The following MCTP1 variants were observed in gnomAD, a reference collection of about 807,000 sequenced individuals.
The protein encoded by MCTP1 is multiple C2 and transmembrane domain-containing protein 1.
In MCTP1, 69 loss-of-function variants were observed where a neutral mutation model predicts 120.6. That is an observed-to-expected ratio of 0.57 (90% CI 0.47 to 0.70). The LOEUF (loss-of-function observed/expected upper bound fraction) is 0.70, where lower values mean the gene tolerates loss of function less well. Among genes scored for constraint, MCTP1 ranks in the 30% least tolerant of loss-of-function variants. The pLI, the probability that MCTP1 is intolerant of heterozygous loss-of-function variation, is 0.00. For missense variants in MCTP1, 1,203 were observed against 1,248.8 expected (o/e 0.96, Z 0.55); for synonymous variants, 529 against 493.1 (o/e 1.07, Z -0.96).
At chr5:95,203,347 C>A (rs1443134940) in intron 1 of MCTP1, among the ~76,000 whole-genome samples, 1 of 152,160 alleles carries the variant, frequency 6.6e-6, no homozygotes, top group African/African-American at 2.4e-5. Flanking sequence ...CTATCCAGAA[C>A]CTCTGAGTGA....
intron 1 of MCTP1, among the ~76,000 whole-genome samples, chr5:95,255,716 C>A (rs887915422): frequency 1.3e-5 from 2 of 151,990 alleles, no homozygotes; most frequent in Non-Finnish European, 2.9e-5. Context: ...ATATAGAGAA[C>A]AAAAGTCAGA....
intron 1 of MCTP1, among the ~76,000 whole-genome samples, chr5:95,233,199 C>T (rs570145387): frequency 2.0e-4 from 31 of 152,060 alleles, no homozygotes; most frequent in Non-Finnish European, 3.4e-4. Context: ...ATAAAACAAA[C>T]GTCAATATAT....
At chr5:95,260,264 G>T (rs931846803) in intron 1 of MCTP1, among the ~76,000 whole-genome samples, 32 of 152,260 alleles carry the variant, frequency 2.1e-4, no homozygotes, top group African/African-American at 7.2e-4. Flanking sequence ...GGTTGTGTGA[G>T]CCCCTTGAGG....
intron 1 of MCTP1, among the ~76,000 whole-genome samples, chr5:95,123,114 G>C (rs751685427): frequency 1.3e-5 from 2 of 152,114 alleles, no homozygotes; most frequent in Non-Finnish European, 2.9e-5. Context: ...ATAACTCAAG[G>C]AGTATAATTA....
Position 94,707,459 on chromosome 5 carries a change from CCAAA to C in MCTP1, c.*33_*36del, listed in dbSNP as rs779238937. 1.1e-5 allele frequency: 17 copies of C among 1,522,062 alleles called. No homozygotes were observed. The African/African-American group carries it at 2.1e-4, about 19-fold the overall frequency. 94.3% of individuals were successfully genotyped at this position (1,522,062 alleles called of 1,614,324 possible). A position where few individuals can be genotyped will look rare whatever the true frequency, so the allele number is the denominator to read the frequency against. On this transcript the variant is annotated 3_prime_UTR_variant, in exon 23 of 23. Transcript: ENST00000515393. ...GCTGAGGGCTTTTTCTTTTATCTTC[CCAAA>C]CAGATGCTGGTCTCCTCAGTGCTGG...
At chr5:95,020,710 T>A (rs1838038662) in intron 1 of MCTP1, among the ~76,000 whole-genome samples, 1 of 152,172 alleles carries the variant, frequency 6.6e-6, no homozygotes, top group Middle Eastern at 3.4e-3. Context: ...ATTTTAAAAT[T>A]CCTTTTATAA....
intron 10 of MCTP1, among the ~76,000 whole-genome samples, chr5:94,898,422 G>A (rs1033227162): frequency 1.4e-4 from 22 of 152,154 alleles, no homozygotes; most frequent in Non-Finnish European, 2.6e-4. Context: ...TATTGTTGCT[G>A]GCGTTGGCTG....
intron 10 of MCTP1, 83 bp from the exon 11 acceptor site, chr5:94,894,918 A>G (rs1309182178): frequency 1.3e-6 from 1 of 792,322 alleles, no homozygotes; most frequent in Non-Finnish European, 1.9e-6. Context: ...TCTATGAAAC[A>G]TAAATCAATA....
At chr5:95,192,462 C>T (rs1749929658) in intron 1 of MCTP1, among the ~76,000 whole-genome samples, 1 of 151,892 alleles carries the variant, frequency 6.6e-6, no homozygotes, top group Admixed American at 6.6e-5. Context: ...TTTTCTGTGC[C>T]AACTTCTAGA....
intron 17 of MCTP1, among the ~76,000 whole-genome samples, chr5:94,860,060 T>A (rs1299370145): frequency 6.6e-6 from 1 of 151,664 alleles, no homozygotes; most frequent in Non-Finnish European, 1.5e-5. Context: ...TATTTACATA[T>A]TATTGGTAAA....
chr5:94,719,191 A>G (rs1244189573), intron 19 of MCTP1, among the ~76,000 whole-genome samples: 1 of 152,218 alleles, frequency 6.6e-6, no homozygotes, highest in Non-Finnish European at 1.5e-5. Flanking sequence ...AGAAATAGGA[A>G]CACTTTTACA....
intron 1 of MCTP1, among the ~76,000 whole-genome samples, chr5:95,206,694 C>T (rs1751659709): frequency 6.6e-6 from 1 of 152,120 alleles, no homozygotes; most frequent in African/African-American, 2.4e-5. Context: ...GCCACCACCA[C>T]ACCCAGCCAA....
chr5:95,085,906 G>A (rs1232315312), intron 1 of MCTP1, among the ~76,000 whole-genome samples: 1 of 151,614 alleles, frequency 6.6e-6, no homozygotes, highest in African/African-American at 2.4e-5. Context: ...TTTCTATTGT[G>A]TTATTTGCCT....
At chr5:95,166,180 G>A (rs570755446) in intron 1 of MCTP1, 5 of 152,158 alleles carry the variant, frequency 3.3e-5, no homozygotes, top group African/African-American at 4.8e-5. Flanking sequence ...AAAACTGCTC[G>A]AGACCTGGCT....
intron 1 of MCTP1, among the ~76,000 whole-genome samples, chr5:95,196,367 A>G (rs369595326): frequency 2.8e-4 from 42 of 152,322 alleles, no homozygotes; most frequent in East Asian, 1.2e-3. Context: ...ATTTACAGAA[A>G]AGGAAACTGA....
At chr5:95,256,349 C>G (rs1407146576) in intron 1 of MCTP1, among the ~76,000 whole-genome samples, 1 of 152,010 alleles carries the variant, frequency 6.6e-6, no homozygotes, top group African/African-American at 2.4e-5. Flanking sequence ...TGGCAGATGT[C>G]TGCTGGCAAA....
At chr5:95,217,009 A>G (rs2152584750) in intron 1 of MCTP1, among the ~76,000 whole-genome samples, 1 of 152,320 alleles carries the variant, frequency 6.6e-6, no homozygotes, top group East Asian at 1.9e-4. Flanking sequence ...TCACTAGCAG[A>G]TGCGTATATA....
chr5:94,915,933 G>A (rs1809943711), intron 8 of MCTP1, among the ~76,000 whole-genome samples: 1 of 152,094 alleles, frequency 6.6e-6, no homozygotes, highest in Non-Finnish European at 1.5e-5. Flanking sequence ...GGAGCTAAGT[G>A]GGAGGAAGGA....
In MCTP1 at chr5:94,769,796, G is replaced by C. The variant is rs528592159; in HGVS notation, c.2610+9314C>G. Among the ~76,000 whole-genome samples the C allele has an allele frequency of 3.3e-5, 5 of 152,176 alleles. No individual in the cohort carries two copies. In the South Asian group the frequency reaches 1.0e-3, roughly 32 times the overall value. On this transcript the variant is annotated intron_variant, in intron 19 of 22. Coordinates refer to ENST00000515393, the MANE Select transcript of MCTP1 (RefSeq NM_024717.7). ...TTGTATTGAAACTTTTAAAATAAAT[G>C]AACCATATCACCAAGAAAGATAACT...
Sources: allele counts gnomAD v4.1 joint callset (sites outside exome capture counted in the v4.1 genomes callset), GRCh38; gene constraint gnomAD v4.1.1; transcripts MANE v1.5; gene names NCBI Gene and HGNC (gene_info 2026-07-23, HGNC 2026-07-21).